The following AGBL4 variants were observed in gnomAD, a reference collection of about 807,000 sequenced individuals.
The protein encoded by AGBL4 is AGBL carboxypeptidase 4.
AGBL4 carries 58 observed loss-of-function variants against 66.4 expected under a neutral mutation model. The ratio of observed to expected loss-of-function variants is 0.87; its 90% CI spans 0.71 to 1.09. AGBL4 has a LOEUF of 1.09. Among genes scored for constraint, AGBL4 ranks in the 50% least tolerant of loss-of-function variants. The pLI is 0.00. For missense variants in AGBL4, 579 were observed against 631.0 expected, an observed-to-expected ratio of 0.92 and a Z score of 0.88; for synonymous variants, 234 against 222.9, an observed-to-expected ratio of 1.05 and a Z score of -0.44.
intron 2 of AGBL4, among the ~76,000 whole-genome samples, chr1:49,742,525 T>C (rs1011263692): frequency 4.0e-5 from 6 of 151,750 alleles, no homozygotes; most frequent in African/African-American, 1.5e-4. Context: ...TACCAATGAC[T>C]TTCTTCACAG....
chr1:48,567,195 C>A (rs1335067234), intron 11 of AGBL4, among the ~76,000 whole-genome samples: 1 of 152,160 alleles, frequency 6.6e-6, no homozygotes, highest in Non-Finnish European at 1.5e-5. Flanking sequence ...CTCACTGTGG[C>A]CCTGACTGTG....
At chr1:49,896,710 A>G (rs1649253214) in intron 1 of AGBL4, among the ~76,000 whole-genome samples, 1 of 151,862 alleles carries the variant, frequency 6.6e-6, no homozygotes, top group Non-Finnish European at 1.5e-5. Flanking sequence ...CAAAAAAAAA[A>G]TACTAGCAAT....
At chr1:49,789,694 T>C (rs774153943) in intron 2 of AGBL4, among the ~76,000 whole-genome samples, 6 of 151,900 alleles carry the variant, frequency 3.9e-5, no homozygotes, top group Non-Finnish European at 5.9e-5. Context: ...AGGACACAAA[T>C]GAGAAAACAT....
intron 5 of AGBL4, among the ~76,000 whole-genome samples, chr1:48,975,856 C>T (rs377005500): frequency 9.9e-5 from 15 of 152,218 alleles, no homozygotes; most frequent in Admixed American, 2.0e-4. Context: ...CTGCATGGCA[C>T]GCTGGTATCA....
At chr1:49,907,116 ATAT>A (rs1239298548) in intron 1 of AGBL4, among the ~76,000 whole-genome samples, 6 of 152,168 alleles carry the variant, frequency 3.9e-5, no homozygotes, top group African/African-American at 1.4e-4. Context: ...ATAAAAGTTC[ATAT>A]CATATGAGTT....
chr1:48,847,868 T>A (rs76042871), intron 6 of AGBL4, among the ~76,000 whole-genome samples: 13,367 of 152,270 alleles, frequency 0.088, 673 homozygotes, highest in Non-Finnish European at 0.11. Flanking sequence ...GCTTATAGAA[T>A]ATAGTTCTAT....
chr1:48,618,738 T>C (rs1007601548), intron 9 of AGBL4, among the ~76,000 whole-genome samples: 1 of 152,222 alleles, frequency 6.6e-6, no homozygotes, highest in Non-Finnish European at 1.5e-5. Context: ...AGCCAGCCCC[T>C]CTTAAGATCC....
At chr1:49,429,057 G>A (rs1327341704) in intron 3 of AGBL4, among the ~76,000 whole-genome samples, 1 of 152,218 alleles carries the variant, frequency 6.6e-6, no homozygotes, top group Non-Finnish European at 1.5e-5. Context: ...ATATGTTCCA[G>A]ACTGGAAGAA....
Position 48,969,481 on chromosome 1 carries a change from T to C in AGBL4, c.594+76103A>G, listed in dbSNP as rs139057921. 3.1e-4 allele frequency among the ~76,000 whole-genome samples: 47 copies of C among 152,280 alleles called. No homozygotes were observed. The East Asian group carries it at 8.5e-3, about 28-fold the overall frequency. On this transcript the variant is annotated intron_variant, in intron 5 of 13. Coordinates refer to ENST00000371839, the MANE Select transcript of AGBL4 (RefSeq NM_032785.4). The stretch of plus-strand genomic sequence containing the variant: ...AATTTCTTCAAATTTACAGTACAGA[T>C]AAAAATATTTCTATTTGTCCCACAG...
intron 3 of AGBL4, among the ~76,000 whole-genome samples, chr1:49,658,426 C>T (rs1646195326): frequency 6.6e-6 from 1 of 152,184 alleles, no homozygotes; most frequent in Admixed American, 6.5e-5. Flanking sequence ...TAAACTCGTT[C>T]AACCATTGTG....
intron 4 of AGBL4, among the ~76,000 whole-genome samples, chr1:49,103,865 C>T (rs1266149468): frequency 6.6e-6 from 1 of 152,164 alleles, no homozygotes; most frequent in African/African-American, 2.4e-5. Context: ...ATGTATCATG[C>T]ATATTCATCA....
In AGBL4 at chr1:49,920,330, A is replaced by C. The variant is rs533997153; in HGVS notation, c.35-68812T>G. Reference sequence around the variant, plus strand: ...CTACAGAATGGGAGAAAATTTTTGCAATCTACTCATCTGACAAAGGGCTAA... The same window carrying C: ...CTACAGAATGGGAGAAAATTTTTGCCATCTACTCATCTGACAAAGGGCTAA... On this transcript the variant is annotated intron_variant, in intron 1 of 13. Transcript: ENST00000371839. 2.6e-5 allele frequency among the ~76,000 whole-genome samples: 4 copies of C among 152,356 alleles called. No individual in the cohort carries two copies. The East Asian group carries it at 7.7e-4, about 29-fold the overall frequency.
chr1:50,001,778 A>G (rs2148420714), intron 1 of AGBL4, among the ~76,000 whole-genome samples: 1 of 152,294 alleles, frequency 6.6e-6, no homozygotes, highest in South Asian at 2.1e-4. Context: ...TTCCAAAGTC[A>G]GAAATTCATA....
At chr1:48,958,957 T>G (rs1657726940) in intron 5 of AGBL4, among the ~76,000 whole-genome samples, 2 of 152,262 alleles carry the variant, frequency 1.3e-5, no homozygotes, top group African/African-American at 4.8e-5. Context: ...TTCATATGTT[T>G]GCCTCTCCTA....
intron 3 of AGBL4, among the ~76,000 whole-genome samples, chr1:49,423,621 C>T (rs1645592913): frequency 6.6e-6 from 1 of 151,868 alleles, no homozygotes; most frequent in African/African-American, 2.4e-5. Flanking sequence ...ACCAGCCTCG[C>T]CAACAGGATG....
intron 6 of AGBL4, among the ~76,000 whole-genome samples, chr1:48,706,767 T>C (rs55911513): frequency 0.01 from 1,557 of 152,318 alleles, 34 homozygotes; most frequent in African/African-American, 0.036. Flanking sequence ...GATGAGTGCA[T>C]TAATAAATGA....
At chr1:48,757,496 G>A (rs1454579835) in intron 6 of AGBL4, among the ~76,000 whole-genome samples, 1 of 152,154 alleles carries the variant, frequency 6.6e-6, no homozygotes, top group Non-Finnish European at 1.5e-5. Flanking sequence ...AGTGGACAAA[G>A]TCCAGCCTAT....
At chr1:49,852,293 CAAG>C (rs879322778) in intron 1 of AGBL4, among the ~76,000 whole-genome samples, 4 of 152,022 alleles carry the variant, frequency 2.6e-5, no homozygotes, top group Non-Finnish European at 5.9e-5. Context: ...TGGCAGAGCA[CAAG>C]AAGAAGTAAT....
At chr1:49,319,373 A>C (rs1370498821) in intron 3 of AGBL4, among the ~76,000 whole-genome samples, 2 of 152,208 alleles carry the variant, frequency 1.3e-5, no homozygotes, top group Non-Finnish European at 2.9e-5. Context: ...AAAAAATTAC[A>C]ATGTCATTAA....
Sources: gnomAD v4.1 joint callset for allele counts (sites outside exome capture counted in the v4.1 genomes callset) on GRCh38, gnomAD v4.1.1 for gene constraint, MANE v1.5 for transcripts, NCBI Gene and HGNC (gene_info 2026-07-23, HGNC 2026-07-21) for gene names.